The following AGBL1 variants were observed in gnomAD, a reference collection of about 807,000 sequenced individuals.
AGBL1 encodes the protein AGBL carboxypeptidase 1.
In AGBL1, 130 loss-of-function variants were observed where a neutral mutation model predicts 118.9. The observed-to-expected ratio is 1.09, with a 90% CI of 0.95 to 1.26. AGBL1 has a LOEUF of 1.26. Ranked by LOEUF, AGBL1 falls within the 50% of genes most tolerant of loss-of-function variation. The probability of loss-of-function intolerance (pLI) is 0.00; values close to 1 mark genes in which losing one functional copy is unlikely to be tolerated. For synonymous variants in AGBL1, 555 were observed against 478.9 expected, an observed-to-expected ratio of 1.16 and a Z score of -2.08; for missense variants, 1,584 against 1,298.1, an observed-to-expected ratio of 1.22 and a Z score of -3.38.
chr15:86,343,735 C>G (rs549592696), intron 17 of AGBL1, among the ~76,000 whole-genome samples: 178 of 152,248 alleles, frequency 1.2e-3, no homozygotes, highest in African/African-American at 4.1e-3. Context: ...ACCAACTTTT[C>G]CAGTGCCTGT....
rs912379480 is a variant in AGBL1, at chr15:86,271,533, A to G, written c.1988-86A>G. 9 of 1,012,956 alleles carry G rather than the reference A, an allele frequency of 8.9e-6. No homozygotes were observed. The African/African-American group carries it at 1.4e-4, about 16-fold the overall frequency. 62.7% of individuals were successfully genotyped at this position (1,012,956 alleles called of 1,614,324 possible). A position where few individuals can be genotyped will look rare whatever the true frequency, so the allele number is the denominator to read the frequency against. ...TTAACAGTCACAGTTTCCAGGGATT[A>G]AGACCTATGTGTATGTGGGGGTCAT... On this transcript the variant is annotated intron_variant, in intron 14 of 22. Transcript: ENST00000614907.
intron 22 of AGBL1, among the ~76,000 whole-genome samples, chr15:86,727,639 T>C (rs991491806): frequency 2.6e-5 from 4 of 152,146 alleles, no homozygotes; most frequent in African/African-American, 9.7e-5. Flanking sequence ...GAGTGTGCAA[T>C]TAAAGCTGGA....
At chr15:86,331,722 A>G (rs918069710) in intron 17 of AGBL1, among the ~76,000 whole-genome samples, 1 of 152,262 alleles carries the variant, frequency 6.6e-6, no homozygotes, top group Non-Finnish European at 1.5e-5. Context: ...AAGGAAAAAT[A>G]AAATGTTTTT....
intron 22 of AGBL1, among the ~76,000 whole-genome samples, chr15:86,778,111 C>T (rs908810257): frequency 2.6e-5 from 4 of 151,972 alleles, no homozygotes; most frequent in African/African-American, 9.7e-5. Flanking sequence ...TCCATGATGG[C>T]CCCTGAGCCG....
intron 22 of AGBL1, among the ~76,000 whole-genome samples, chr15:86,894,562 G>A (rs2080095996): frequency 6.6e-6 from 1 of 152,158 alleles, no homozygotes; most frequent in African/African-American, 2.4e-5. Flanking sequence ...TAACTTAAGT[G>A]TGAGGCTGTT....
intron 21 of AGBL1, among the ~76,000 whole-genome samples, chr15:86,562,822 C>A (rs1200444658): frequency 6.6e-6 from 1 of 151,838 alleles, no homozygotes; most frequent in East Asian, 1.9e-4. Context: ...AATTTCAGAG[C>A]CTGTTATTGG....
At chr15:86,948,565 T>G (rs1294520289) in intron 23 of AGBL1, among the ~76,000 whole-genome samples, 1 of 152,242 alleles carries the variant, frequency 6.6e-6, no homozygotes, top group African/African-American at 2.4e-5. Context: ...CTGGTCACTT[T>G]GTACACTTAG....
chr15:86,093,283 A>T (rs897895059), intron 1 of AGBL1, among the ~76,000 whole-genome samples: 1 of 152,140 alleles, frequency 6.6e-6, no homozygotes, highest in African/African-American at 2.4e-5. Context: ...TAAAAATCCT[A>T]AGTACCTGCT....
intron 17 of AGBL1, among the ~76,000 whole-genome samples, chr15:86,396,637 AG>A (rs2081369080): frequency 6.6e-6 from 1 of 152,162 alleles, no homozygotes; most frequent in Non-Finnish European, 1.5e-5. Context: ...AAGGAATGAG[AG>A]GGACCATCCC....
chr15:86,267,116 C>A, intron 13 of AGBL1, 40 bp downstream of exon 13: 1 of 1,441,764 alleles, frequency 6.9e-7, no homozygotes, highest in Non-Finnish European at 9.6e-7. Context: ...CCTGTCAGTT[C>A]GTAAGAGCAA....
At chr15:86,722,502 T>C (rs1399658131) in intron 22 of AGBL1, among the ~76,000 whole-genome samples, 1 of 152,086 alleles carries the variant, frequency 6.6e-6, no homozygotes, top group African/African-American at 2.4e-5. Context: ...ATACAAAAAT[T>C]AATTCAAGAT....
At chr15:86,730,822 T>C (rs2077516929) in intron 22 of AGBL1, among the ~76,000 whole-genome samples, 1 of 151,854 alleles carries the variant, frequency 6.6e-6, no homozygotes, top group Non-Finnish European at 1.5e-5. Context: ...CTATTTTATT[T>C]TATTTTATTT....
intron 22 of AGBL1, among the ~76,000 whole-genome samples, chr15:86,881,728 G>A (rs1328261894): frequency 5.3e-5 from 8 of 152,078 alleles, no homozygotes; most frequent in African/African-American, 1.7e-4. Flanking sequence ...TCCGCCTCCC[G>A]GGTTTTAAGC....
chr15:86,719,449 T>C (rs1299093175), intron 22 of AGBL1, among the ~76,000 whole-genome samples: 1 of 152,170 alleles, frequency 6.6e-6, no homozygotes, highest in African/African-American at 2.4e-5. Context: ...AGCATCCTTA[T>C]AGTGAAGGTT....
At chr15:86,550,672 T>G (rs2083651536) in intron 20 of AGBL1, among the ~76,000 whole-genome samples, 1 of 152,010 alleles carries the variant, frequency 6.6e-6, no homozygotes, top group East Asian at 1.9e-4. Context: ...GCTGAATATT[T>G]TAGTAGTCTT....
At chr15:86,139,881 T>C (rs889561211) in intron 1 of AGBL1, 1 of 156,882 alleles carries the variant, frequency 6.4e-6, no homozygotes, top group Admixed American at 6.5e-5. Context: ...ACCACTTGCA[T>C]TGACAACGCA....
intron 24 of AGBL1, among the ~76,000 whole-genome samples, chr15:86,990,654 A>C (rs2081329129): frequency 6.6e-6 from 1 of 152,248 alleles, no homozygotes; most frequent in Admixed American, 6.5e-5. Flanking sequence ...CAGCTTCAAC[A>C]GGTAGATACT....
chr15:86,606,914 G>C (rs2084584890), intron 21 of AGBL1, among the ~76,000 whole-genome samples: 1 of 152,122 alleles, frequency 6.6e-6, no homozygotes, highest in Non-Finnish European at 1.5e-5. Context: ...CTATGTTGTA[G>C]TGTCATATAG....
At chr15:86,942,223 A>C (rs1365677552) in intron 23 of AGBL1, among the ~76,000 whole-genome samples, 2 of 152,192 alleles carry the variant, frequency 1.3e-5, no homozygotes, top group African/African-American at 4.8e-5. Flanking sequence ...CATTTTAAAA[A>C]GGGAATGTGA....
Sources: gnomAD v4.1 joint callset for allele counts (sites outside exome capture counted in the v4.1 genomes callset) on GRCh38, gnomAD v4.1.1 for gene constraint, MANE v1.5 for transcripts, NCBI Gene and HGNC (gene_info 2026-07-23, HGNC 2026-07-21) for gene names.